MELK: variants seen among roughly 807,000 people sequenced by gnomAD.
MELK encodes maternal embryonic leucine zipper kinase, also known as pEg3 kinase.
MELK carries 81 observed loss-of-function variants against 85.0 expected under a neutral mutation model. That is an observed-to-expected ratio of 0.95 (90% CI 0.80 to 1.15). The LOEUF is 1.15. MELK is among the 50% of genes most tolerant of loss of function. MELK has a pLI of 0.00. For synonymous variants in MELK, 252 were observed against 265.0 expected (o/e 0.95, Z 0.48); for missense variants, 754 against 777.5 (o/e 0.97, Z 0.36).
intron 1 of MELK, among the ~76,000 whole-genome samples, chr9:36,579,108 A>G (rs1488058083): frequency 6.6e-6 from 1 of 152,006 alleles, no homozygotes; most frequent in East Asian, 1.9e-4. Flanking sequence ...GCTCACTGCA[A>G]CCTCCGTCTC....
At chr9:36,609,144 C>T (rs1327789655) in intron 8 of MELK, among the ~76,000 whole-genome samples, 1 of 151,910 alleles carries the variant, frequency 6.6e-6, no homozygotes, top group Non-Finnish European at 1.5e-5. Context: ...AGAGTGACTG[C>T]CTGTGAGTAT....
chr9:36,647,600 T>C (rs528572800), intron 11 of MELK, among the ~76,000 whole-genome samples: 184 of 152,056 alleles, frequency 1.2e-3, no homozygotes, highest in Non-Finnish European at 1.9e-3. Flanking sequence ...GCAATTCTCC[T>C]GCCTCAGCCT....
intron 13 of MELK, among the ~76,000 whole-genome samples, chr9:36,664,247 A>G (rs1479684312): frequency 6.6e-6 from 1 of 152,166 alleles, no homozygotes; most frequent in Non-Finnish European, 1.5e-5. Context: ...AAACATGCAA[A>G]CATACTTATT....
In MELK at chr9:36,651,767, G is replaced by T; in HGVS notation, c.943G>T (p.Ala315Ser). Residue 315 changes from alanine (A) to serine (S), a missense_variant, in exon 12 of 18, where the codon GCT (alanine) becomes TCT (serine). Transcript: ENST00000298048. ...ISLWQYDHLTATYLLLLAKKA... is the reference protein window; with the variant it reads ...ISLWQYDHLTSTYLLLLAKKA... ...TTAGTGGCAGTATGATCACCTCACG[G>T]CTACCTATCTTCTGCTTCTAGCCAA... The T allele has an allele frequency of 6.2e-7, 1 of 1,613,868 alleles. No homozygotes were observed. The highest frequency in any genetic ancestry group is 8.5e-7 in the Non-Finnish European group (1 of 1,179,864).
chr9:36,655,270 C>T (rs1233736015), intron 12 of MELK, among the ~76,000 whole-genome samples: 1 of 152,034 alleles, frequency 6.6e-6, no homozygotes, highest in Non-Finnish European at 1.5e-5. Flanking sequence ...CTTTAGAGGA[C>T]AGGAATGATC....
At chr9:36,606,408 G>A (rs1825504555) in intron 7 of MELK, among the ~76,000 whole-genome samples, 1 of 115,742 alleles carries the variant, frequency 8.6e-6, no homozygotes, top group Non-Finnish European at 1.6e-5. Context: ...ATGTATAGGT[G>A]TGTGTATATA....
chr9:36,581,227 G>A (rs1278078110), intron 1 of MELK, among the ~76,000 whole-genome samples: 2 of 151,732 alleles, frequency 1.3e-5, no homozygotes, highest in South Asian at 2.1e-4. Flanking sequence ...TATAGATGTG[G>A]TCTTGCTATG....
At chr9:36,643,560 A>ATG (rs1214733205) in intron 11 of MELK, among the ~76,000 whole-genome samples, 1 of 152,164 alleles carries the variant, frequency 6.6e-6, no homozygotes, top group Non-Finnish European at 1.5e-5. Context: ...CACAGTCCTG[A>ATG]TGTGTGCTAG....
At chr9:36,676,099 C>T (rs2138310483) in intron 17 of MELK, among the ~76,000 whole-genome samples, 1 of 152,266 alleles carries the variant, frequency 6.6e-6, no homozygotes, top group South Asian at 2.1e-4. Flanking sequence ...CTAAATTGTT[C>T]TATGCCTCAT....
At chr9:36,627,330 T>C (rs1214228929) in intron 8 of MELK, among the ~76,000 whole-genome samples, 1 of 152,080 alleles carries the variant, frequency 6.6e-6, no homozygotes, top group Non-Finnish European at 1.5e-5. Context: ...CAGAGAAGCA[T>C]TGTCAAACAA....
intron 8 of MELK, among the ~76,000 whole-genome samples, chr9:36,615,355 CA>C (rs1826561582): frequency 7.6e-6 from 1 of 131,914 alleles, no homozygotes; most frequent in Admixed American, 7.5e-5. Flanking sequence ...CTGACCCCCC[CA>C]CCTCCCTCCC....
chr9:36,607,495 AT>A (rs1227660190), intron 7 of MELK, 79 bp from the exon 8 acceptor site: 1 of 1,017,596 alleles, frequency 9.8e-7, no homozygotes, highest in African/African-American at 1.6e-5. Flanking sequence ...CAATTCTGTG[AT>A]TGGATCAAGA....
intron 10 of MELK, among the ~76,000 whole-genome samples, chr9:36,639,222 T>C (rs913954243): frequency 6.6e-6 from 1 of 152,248 alleles, no homozygotes; most frequent in Non-Finnish European, 1.5e-5. Context: ...AGAGTAACTT[T>C]ACATGTTGTA....
At chr9:36,638,265 T>C (rs1829402773) in intron 10 of MELK, among the ~76,000 whole-genome samples, 1 of 152,166 alleles carries the variant, frequency 6.6e-6, no homozygotes, top group African/African-American at 2.4e-5. Context: ...CAAAAGAGTA[T>C]ACAGTTTCCC....
At position 36,636,806 on chromosome 9, in the gene MELK, G is replaced by GTCTGTCTT. The variant is rs1307055019; in HGVS notation, c.834+3609_834+3610insGTCTTTCT. 4.3e-3 allele frequency among the ~76,000 whole-genome samples: 480 copies of GTCTGTCTT among 111,354 alleles called. 3 individuals are homozygous for GTCTGTCTT. Among genetic ancestry groups the GTCTGTCTT allele is most frequent in the Middle Eastern group, 0.017 (4 of 242 alleles). The allele number at this position is 111,354 out of a possible 152,430, so 73.1% of individuals were successfully genotyped here. On this transcript the variant is annotated intron_variant, in intron 10 of 17. Coordinates refer to ENST00000298048, the MANE Select transcript of MELK (RefSeq NM_014791.4). The stretch of plus-strand genomic sequence containing the variant: ...TTTCTGTCTGTCTTTCTTTCTTTCT[G>GTCTGTCTT]TCTTTCTTTCTTTCTGTCTTTCTTG...
chr9:36,626,279 T>G (rs1415929739), intron 8 of MELK, among the ~76,000 whole-genome samples: 3 of 152,078 alleles, frequency 2.0e-5, no homozygotes, highest in African/African-American at 4.8e-5. Context: ...TGAAACAAAT[T>G]TTTTGGGGGT....
intron 1 of MELK, among the ~76,000 whole-genome samples, chr9:36,580,038 C>CTTTT (rs58166111): frequency 8.1e-4 from 96 of 117,944 alleles, no homozygotes; most frequent in East Asian, 1.0e-3. Flanking sequence ...TTCATGTCTT[C>CTTTT]TTTTTTTTTT....
intron 8 of MELK, among the ~76,000 whole-genome samples, chr9:36,613,628 G>C (rs1032076884): frequency 6.6e-6 from 1 of 152,162 alleles, no homozygotes; most frequent in Non-Finnish European, 1.5e-5. Flanking sequence ...AAATAAGGTG[G>C]TCAGGATAAA....
chr9:36,632,953 C>A, intron 9 of MELK, 149 bp from the exon 10 acceptor site: 1 of 626,700 alleles, frequency 1.6e-6, no homozygotes, highest in Non-Finnish European at 2.8e-6. Context: ...AAAAGAATTT[C>A]TTCCAAGGCC....
Sources: allele counts gnomAD v4.1 joint callset (sites outside exome capture counted in the v4.1 genomes callset), GRCh38; gene constraint gnomAD v4.1.1; transcripts MANE v1.5; gene names NCBI Gene and HGNC (gene_info 2026-07-23, HGNC 2026-07-21).